Variants in SEMA3D observed in about 807,000 individuals in gnomAD.
SEMA3D encodes semaphorin-3D.
SEMA3D carries 84 observed loss-of-function variants against 100.1 expected under a neutral mutation model. The observed-to-expected ratio is 0.84, with a 90% CI of 0.70 to 1.01. The LOEUF is 1.01. Among genes scored for constraint, SEMA3D ranks in the 50% least tolerant of loss-of-function variants. SEMA3D has a pLI of 0.00. For missense variants in SEMA3D, 875 were observed against 934.1 expected (o/e 0.94, Z 0.82); for synonymous variants, 312 against 320.7 (o/e 0.97, Z 0.29).
intron 3 of SEMA3D, among the ~76,000 whole-genome samples, chr7:85,116,669 TA>T (rs1312267603): frequency 6.6e-6 from 1 of 151,984 alleles, no homozygotes; most frequent in Admixed American, 6.6e-5. Context: ...TTTTGTGTCC[TA>T]AGACATTTTT....
chr7:85,176,781 C>CAT (rs372304790), intron 1 of SEMA3D, among the ~76,000 whole-genome samples: 47,532 of 145,840 alleles, frequency 0.33, 7,881 homozygotes, highest in African/African-American at 0.41. Context: ...TATTTGTATA[C>CAT]ATATATATAT....
intron 2 of SEMA3D, chr7:85,142,001 T>A: frequency 1.0e-6 from 1 of 980,342 alleles, no homozygotes; most frequent in African/African-American, 1.8e-5. Flanking sequence ...CTTTAATGCA[T>A]CAAGGTACTA....
chr7:85,117,934 GA>G (rs1789293513), intron 3 of SEMA3D, among the ~76,000 whole-genome samples: 1 of 151,134 alleles, frequency 6.6e-6, no homozygotes, highest in African/African-American at 2.4e-5. Context: ...TAAAACAATA[GA>G]GCTTGTAAGA....
At chr7:85,038,292 T>C (rs984177127) in intron 11 of SEMA3D, among the ~76,000 whole-genome samples, 1 of 152,178 alleles carries the variant, frequency 6.6e-6, no homozygotes, top group African/African-American at 2.4e-5. Flanking sequence ...ATGATATTAA[T>C]GGGAACCTTT....
chr7:85,074,742 G>A (rs1390767367), intron 5 of SEMA3D, among the ~76,000 whole-genome samples: 4 of 151,402 alleles, frequency 2.6e-5, no homozygotes, highest in Non-Finnish European at 5.9e-5. Flanking sequence ...TCAGCCTCTT[G>A]AGTAGCTGGA....
At chr7:85,115,838 C>T (rs987759689) in intron 3 of SEMA3D, among the ~76,000 whole-genome samples, 4 of 152,220 alleles carry the variant, frequency 2.6e-5, no homozygotes, top group Middle Eastern at 3.4e-3. Context: ...TTAGTTTGGC[C>T]TGTTCTAGAA....
chr7:85,072,755 T>G (rs909534595), intron 6 of SEMA3D, among the ~76,000 whole-genome samples: 1 of 152,214 alleles, frequency 6.6e-6, no homozygotes, highest in Non-Finnish European at 1.5e-5. Context: ...AGGATCTTAC[T>G]ATGCTGCTTA....
chr7:85,168,093 T>C (rs1005633275), intron 1 of SEMA3D, among the ~76,000 whole-genome samples: 8 of 151,890 alleles, frequency 5.3e-5, no homozygotes, highest in Admixed American at 4.6e-4. Flanking sequence ...AATTTTATAC[T>C]TTTCTTATCA....
chr7:85,007,326 G>A (rs10277834), intron 17 of SEMA3D, among the ~76,000 whole-genome samples: 42,143 of 151,286 alleles, frequency 0.28, 6,132 homozygotes, highest in Non-Finnish European at 0.33. Flanking sequence ...GTTCTGGAGG[G>A]GCAGTTTGCT....
chr7:85,178,166 C>T (rs1421767125), intron 1 of SEMA3D, among the ~76,000 whole-genome samples: 2 of 152,178 alleles, frequency 1.3e-5, no homozygotes, highest in Non-Finnish European at 2.9e-5. Flanking sequence ...AACCTCTTTC[C>T]TTAGAAATTA....
the SEMA3D span, among the ~76,000 whole-genome samples, chr7:85,234,412 C>T: frequency 2.0e-5 from 3 of 152,242 alleles, no homozygotes; most frequent in East Asian, 3.9e-4. Flanking sequence ...ATTTTTTCCT[C>T]GGGCCAGACT....
At chr7:85,144,773 AG>A in intron 2 of SEMA3D, 1 of 595,844 alleles carries the variant, frequency 1.7e-6, no homozygotes, top group Non-Finnish European at 2.1e-6. Context: ...AATATTTCAT[AG>A]AATTTGATTA....
At chr7:85,053,103 T>C (rs1280327743) in intron 9 of SEMA3D, among the ~76,000 whole-genome samples, 1 of 151,866 alleles carries the variant, frequency 6.6e-6, no homozygotes, top group Non-Finnish European at 1.5e-5. Context: ...CAGTGAAAAA[T>C]GAGAACAAAT....
At chr7:85,074,611 G>A (rs970328914) in intron 5 of SEMA3D, among the ~76,000 whole-genome samples, 1 of 150,496 alleles carries the variant, frequency 6.6e-6, no homozygotes, top group Non-Finnish European at 1.5e-5. Flanking sequence ...GAGGTACAAT[G>A]TTTCAACTGG....
intron 14 of SEMA3D, among the ~76,000 whole-genome samples, chr7:85,019,082 C>T (rs1417024641): frequency 1.3e-5 from 2 of 151,694 alleles, no homozygotes; most frequent in East Asian, 3.9e-4. Context: ...AAAAACATGG[C>T]CAAACTTATC....
chr7:85,081,454 T>C, intron 5 of SEMA3D, 63 bp downstream of exon 5: 1 of 1,066,030 alleles, frequency 9.4e-7, no homozygotes, highest in Non-Finnish European at 1.5e-6. Flanking sequence ...AAGCCCAATA[T>C]AAATATTTGC....
intron 2 of SEMA3D, among the ~76,000 whole-genome samples, chr7:85,147,920 C>G (rs1180029150): frequency 1.3e-5 from 2 of 152,076 alleles, no homozygotes; most frequent in Non-Finnish European, 2.9e-5. Flanking sequence ...TGGGAGTGCA[C>G]CCTGTCCCTA....
intron 4 of SEMA3D, among the ~76,000 whole-genome samples, chr7:85,083,707 C>A (rs1227595211): frequency 6.6e-6 from 1 of 150,640 alleles, no homozygotes; most frequent in African/African-American, 2.5e-5. Context: ...ATTAGCCGGG[C>A]GTGGTGGCGG....
chr7:85,102,162 C>T (rs1227069054), intron 3 of SEMA3D, among the ~76,000 whole-genome samples: 2 of 151,904 alleles, frequency 1.3e-5, no homozygotes, highest in East Asian at 3.9e-4. Flanking sequence ...ATTAATTATA[C>T]ATCACCTTCT....
Sources: allele counts gnomAD v4.1 joint callset (sites outside exome capture counted in the v4.1 genomes callset), GRCh38; gene constraint gnomAD v4.1.1; transcripts MANE v1.5; gene names NCBI Gene and HGNC (gene_info 2026-07-23, HGNC 2026-07-21).